OR51A2: variants seen among roughly 807,000 people sequenced by gnomAD.
OR51A2 encodes the protein olfactory receptor 51A2.
For missense variants in OR51A2, 111 were observed against 365.9 expected (o/e 0.30, Z 5.68); for synonymous variants, 55 against 139.1 (o/e 0.40, Z 4.25).
chr11:4,955,641 C>A lies in OR51A2; in HGVS notation c.73G>T (p.Ala25Ser). The change falls in exon 1 of 1, where the codon GCA (alanine) becomes TCA (serine). Residue 25 changes from alanine to serine, a missense_variant. By Grantham distance (99) the Ala-to-Ser change is moderately conservative. Coordinates refer to ENST00000380371, the MANE Select transcript of OR51A2 (RefSeq NM_001004748.1). ...FLVGMPGLEY[A>S]HIWISIPICS... ...ATGGGGATAGAGATCCAGATGTGTG[C>A]ATATTCTAGCCCTGGCATCCCAACC... 6.6e-7 allele frequency: 1 copy of A among 1,517,876 alleles called. No individual in the cohort carries two copies. The highest frequency in any genetic ancestry group is 1.8e-5 in the Admixed American group (1 of 54,528). 94.0% of individuals were successfully genotyped at this position (1,517,876 alleles called of 1,614,324 possible).
At position 4,954,772 on chromosome 11, in the gene OR51A2, T is replaced by C. The variant is rs763035199; in HGVS notation, c.942A>G (p.Ter314=). Residue 314 remains the stop codon, a stop_retained_variant, in exon 1 of 1, where the codon TAA becomes TAG. Coordinates refer to ENST00000380371, the MANE Select transcript of OR51A2 (RefSeq NM_001004748.1). ...CCAGGTTTTCTGTCACATATGACTG[T>C]TAAATCTTCCATTGACACAATTTTG... ...VVAKLCQWKI[*] 4 of 1,062,222 alleles carry C rather than the reference T, an allele frequency of 3.8e-6. 1 individual carries two copies. In the South Asian group the frequency reaches 5.2e-5, roughly 14 times the overall value. The allele number at this position is 1,062,222 out of a possible 1,614,324, so 65.8% of individuals were successfully genotyped here. A position where few individuals can be genotyped will look rare whatever the true frequency, so the allele number is the denominator to read the frequency against.
At position 4,954,918 on chromosome 11, in the gene OR51A2, C is replaced by G; in HGVS notation, c.796G>C (p.Ala266Pro). The G allele has an allele frequency of 8.6e-7, 1 of 1,165,214 alleles. No individual in the cohort carries two copies. Among genetic ancestry groups the G allele is most frequent in the Non-Finnish European group, 1.2e-6 (1 of 818,182 alleles). The allele number at this position is 1,165,214 out of a possible 1,614,324, so 72.2% of individuals were successfully genotyped here. A position where few individuals can be genotyped will look rare whatever the true frequency, so the allele number is the denominator to read the frequency against. Residue 266 changes from alanine (A) to proline (P), a missense_variant, in exon 1 of 1, where the codon GCC (alanine) becomes CCC (proline). Ala to Pro is a conservative substitution (Grantham distance 27). Transcript: ENST00000380371. ...TTAATGAGGGGAGAGACATGCCCGGCAAAGCGGTGGACAACGGCCAGGTTG... is the reference window on the plus strand; with the variant it reads ...TTAATGAGGGGAGAGACATGCCCGGGAAAGCGGTGGACAACGGCCAGGTTG... ...IINLAVVHRFAGHVSPLINVL... is the reference protein window; with the variant it reads ...IINLAVVHRFPGHVSPLINVL...
chr11:4,955,298 G>T lies in OR51A2; in HGVS notation c.416C>A (p.Thr139Lys), dbSNP rs1377604994. 1.7e-6 allele frequency: 2 copies of T among 1,207,106 alleles called. No homozygotes were observed. Among genetic ancestry groups the T allele is most frequent in the Non-Finnish European group, 2.3e-6 (2 of 855,676 alleles). 74.8% of individuals were successfully genotyped at this position (1,207,106 alleles called of 1,614,324 possible). A position where few individuals can be genotyped will look rare whatever the true frequency, so the allele number is the denominator to read the frequency against. ...CCCTATTTGGGCAACTCTGACAGTT[G>T]TCAGGATTGAGGTGTATCTCAGAGG... Reference protein sequence around the residue: ...HNPLRYTSILTTVRVAQIGIV... With the variant: ...HNPLRYTSILKTVRVAQIGIV... Residue 139 changes from threonine to lysine, a missense_variant, in exon 1 of 1, where the codon ACA (threonine) becomes AAA (lysine). Physicochemically the swap from Thr to Lys is moderately conservative, Grantham distance 78. Coordinates refer to ENST00000380371, the MANE Select transcript of OR51A2 (RefSeq NM_001004748.1).
chr11:4,955,698 T>C lies in OR51A2; in HGVS notation c.16A>G (p.Thr6Ala). The C allele has an allele frequency of 6.5e-7, 1 of 1,550,106 alleles. No individual in the cohort carries two copies. Residue 6 changes from threonine to alanine, a missense_variant, in exon 1 of 1, where the codon ACA becomes GCA. By Grantham distance (58) the Thr-to-Ala change is moderately conservative. Coordinates refer to ENST00000380371, the MANE Select transcript of OR51A2 (RefSeq NM_001004748.1). ...AAGGTGGTGATTTCAACATATGATG[T>C]GTTGATAATGGACATGATTCATTCA... Reference protein sequence around the residue: MSIINTSYVEITTFFL... With the variant: MSIINASYVEITTFFL...
In OR51A2 at chr11:4,955,229, G is replaced by A; in HGVS notation, c.485C>T (p.Pro162Leu). Residue 162 changes from proline (P) to leucine (L), a missense_variant, in exon 1 of 1, where the codon CCT (proline) becomes CTT (leucine). Coordinates refer to ENST00000380371, the MANE Select transcript of OR51A2 (RefSeq NM_001004748.1). ...FKSMLLVLPF[P>L]FTLRSLRYCK... The stretch of plus-strand genomic sequence containing the variant: ...ATATCTCAAGCTTCTTAAAGTGAAA[G>A]GGAAGGGAAGAACCAGGAGCATGCT... 3.1e-6 allele frequency: 4 copies of A among 1,271,764 alleles called. 1 individual carries two copies. The highest frequency in any genetic ancestry group is 3.3e-6 in the Non-Finnish European group (3 of 911,354). 78.8% of individuals were successfully genotyped at this position (1,271,764 alleles called of 1,614,324 possible). A position where few individuals can be genotyped will look rare whatever the true frequency, so the allele number is the denominator to read the frequency against.
Position 4,955,411 on chromosome 11 carries a change from G to T in OR51A2, c.303C>A (p.Ala101=). ...APETSSSACF[A]QEFFIHGFSV... is the part of the protein sequence containing the mutation. ...AGAATCCATGAATGAAGAATTCCTG[G>T]GCAAAGCAGGCACTAGAAGAAGTTT... The change falls in exon 1 of 1, where the codon GCC becomes GCA. Residue 101 remains alanine (A), a synonymous_variant. Coordinates refer to ENST00000380371, the MANE Select transcript of OR51A2 (RefSeq NM_001004748.1). 2 of 1,178,004 alleles carry T rather than the reference G, an allele frequency of 1.7e-6. 1 individual carries two copies. The highest frequency in any genetic ancestry group is 2.3e-6 in the Non-Finnish European group (2 of 853,202). The allele number at this position is 1,178,004 out of a possible 1,614,324, so 73.0% of individuals were successfully genotyped here.
Position 4,955,277 on chromosome 11 carries a change from A to G in OR51A2, c.437T>C (p.Ile146Thr). 8.1e-7 allele frequency: 1 copy of G among 1,241,208 alleles called. No individual in the cohort carries two copies. Among genetic ancestry groups the G allele is most frequent in the Non-Finnish European group, 1.1e-6 (1 of 884,384 alleles). 76.9% of individuals were successfully genotyped at this position (1,241,208 alleles called of 1,614,324 possible). A position where few individuals can be genotyped will look rare whatever the true frequency, so the allele number is the denominator to read the frequency against. ...SILTTVRVAQ[I>T]GIVFSFKSML... ...GCTCTTAAAGGAGAATACTATCCCTATTTGGGCAACTCTGACAGTTGTCAG... is the reference window on the plus strand; with the variant it reads ...GCTCTTAAAGGAGAATACTATCCCTGTTTGGGCAACTCTGACAGTTGTCAG... The change falls in exon 1 of 1, where the codon ATA becomes ACA. Residue 146 changes from isoleucine to threonine, a missense_variant. Ile to Thr is a moderately conservative substitution (Grantham distance 89). Coordinates refer to ENST00000380371, the MANE Select transcript of OR51A2 (RefSeq NM_001004748.1).
rs1368619162 is a variant in OR51A2, at chr11:4,955,544, A to C, written c.170T>G (p.Leu57Trp). Residue 57 changes from leucine to tryptophan, a missense_variant, in exon 1 of 1, where the codon TTG becomes TGG. Leu to Trp is a moderately conservative substitution (Grantham distance 61). Coordinates refer to ENST00000380371, the MANE Select transcript of OR51A2 (RefSeq NM_001004748.1). ...ILFIIKTEPS[L>W]HGPMYYFLSM... Reference sequence around the variant, plus strand: ...AAGAAAATAGTACATGGGCCCATGCAAGGAGGGCTCTGTCTTGATGATAAA... The same window carrying C: ...AAGAAAATAGTACATGGGCCCATGCCAGGAGGGCTCTGTCTTGATGATAAA... 2.2e-6 allele frequency: 3 copies of C among 1,348,114 alleles called. 1 individual carries two copies. The highest frequency in any genetic ancestry group is 3.1e-6 in the Non-Finnish European group (3 of 953,256). The allele number at this position is 1,348,114 out of a possible 1,614,324, so 83.5% of individuals were successfully genotyped here.
chr11:4,955,501 T>C lies in OR51A2; in HGVS notation c.213A>G (p.Ser71=). ...GAGATGATAAAGACAAACCCAAGTC[T>C]GACATAGCCAACATGGAAAGAAAAT... ...MYYFLSMLAM[S]DLGLSLSSLP... The change falls in exon 1 of 1, where the codon TCA becomes TCG. Residue 71 remains serine (S), a synonymous_variant. Transcript: ENST00000380371. The C allele has an allele frequency of 5.3e-6, 7 of 1,309,138 alleles. 1 individual carries two copies. Among genetic ancestry groups the C allele is most frequent in the Non-Finnish European group, 7.5e-6 (7 of 929,828 alleles). The allele number at this position is 1,309,138 out of a possible 1,614,324, so 81.1% of individuals were successfully genotyped here.
rs767489175 is a variant in OR51A2 at position 4,954,905 on chromosome 11, G to A, written c.809C>T (p.Ser270Phe). The A allele has an allele frequency of 5.3e-6, 6 of 1,138,088 alleles. 1 individual carries two copies. The African/African-American group carries it at 9.8e-5, about 19-fold the overall frequency. 70.5% of individuals were successfully genotyped at this position (1,138,088 alleles called of 1,614,324 possible). The change falls in exon 1 of 1, where the codon TCT (serine) becomes TTT (phenylalanine). Residue 270 changes from serine (S) to phenylalanine (F), a missense_variant. Coordinates refer to ENST00000380371, the MANE Select transcript of OR51A2 (RefSeq NM_001004748.1). ...TGCCATGAGAACATTAATGAGGGGA[G>A]AGACATGCCCGGCAAAGCGGTGGAC... ...AVVHRFAGHV[S>F]PLINVLMANV...
Position 4,955,182 on chromosome 11 carries a change from G to C in OR51A2, c.532C>G (p.His178Asp). The C allele has an allele frequency of 7.7e-7, 1 of 1,306,242 alleles. No homozygotes were observed. Among genetic ancestry groups the C allele is most frequent in the East Asian group, 2.7e-5 (1 of 36,448 alleles). The allele number at this position is 1,306,242 out of a possible 1,614,324, so 80.9% of individuals were successfully genotyped here. A position where few individuals can be genotyped will look rare whatever the true frequency, so the allele number is the denominator to read the frequency against. The change falls in exon 1 of 1, where the codon CAT becomes GAT. Residue 178 changes from histidine (H) to aspartate (D), a missense_variant. Coordinates refer to ENST00000380371, the MANE Select transcript of OR51A2 (RefSeq NM_001004748.1). ...ACATCCTGGTGGAGACAGTAGGAATGGGATAATTGGTTTTTCTTGCAATAT... is the reference window on the plus strand; with the variant it reads ...ACATCCTGGTGGAGACAGTAGGAATCGGATAATTGGTTTTTCTTGCAATAT... Reference protein sequence around the residue: ...LRYCKKNQLSHSYCLHQDVMK... With the variant: ...LRYCKKNQLSDSYCLHQDVMK...
Position 4,955,014 on chromosome 11 carries a change from C to T in OR51A2, c.700G>A (p.Glu234Lys), listed in dbSNP as rs1465407361. 3 of 1,397,474 alleles carry T rather than the reference C, an allele frequency of 2.1e-6. No homozygotes were observed. The highest frequency in any genetic ancestry group is 2.1e-5 in the Admixed American group (1 of 46,814). The allele number at this position is 1,397,474 out of a possible 1,614,324, so 86.6% of individuals were successfully genotyped here. Residue 234 changes from glutamate to lysine, a missense_variant, in exon 1 of 1, where the codon GAG (glutamate) becomes AAG (lysine). Transcript: ENST00000380371. Reference protein sequence around the residue: ...KTVPGIASKKEELKALNTCVS... With the variant: ...KTVPGIASKKKELKALNTCVS... ...CAAGTATTGAGAGCCTTAAGCTCCTCCTTTTTGGATGCAATTCCCGGTACA... is the reference window on the plus strand; with the variant it reads ...CAAGTATTGAGAGCCTTAAGCTCCTTCTTTTTGGATGCAATTCCCGGTACA...
chr11:4,955,048 G>A lies in OR51A2; in HGVS notation c.666C>T (p.Ile222=). Residue 222 remains isoleucine (I), a synonymous_variant, in exon 1 of 1, where the codon ATC becomes ATT. Coordinates refer to ENST00000380371, the MANE Select transcript of OR51A2 (RefSeq NM_001004748.1). ...ATGCAATTCCCGGTACAGTCTTGAG[G>A]ATCAGGGTGTAAGACACAGCAATGA... ...FILIAVSYTL[I]LKTVPGIASK... is the part of the protein sequence containing the mutation. The A allele has an allele frequency of 6.9e-7, 1 of 1,453,758 alleles. No homozygotes were observed. Among genetic ancestry groups the A allele is most frequent in the Non-Finnish European group, 9.4e-7 (1 of 1,065,696 alleles). 90.1% of individuals were successfully genotyped at this position (1,453,758 alleles called of 1,614,324 possible).
rs749818574 is a variant in OR51A2, at chr11:4,955,557, T to C, written c.157A>G (p.Thr53Ala). The C allele has an allele frequency of 5.1e-6, 7 of 1,366,014 alleles. No homozygotes were observed. The Admixed American group carries it at 5.6e-5, about 11-fold the overall frequency. The allele number at this position is 1,366,014 out of a possible 1,614,324, so 84.6% of individuals were successfully genotyped here. The change falls in exon 1 of 1, where the codon ACA (threonine) becomes GCA (alanine). Residue 53 changes from threonine to alanine, a missense_variant. Thr to Ala is a moderately conservative substitution (Grantham distance 58). Transcript: ENST00000380371. ...GNGTILFIIKTEPSLHGPMYY... is the reference protein window; with the variant it reads ...GNGTILFIIKAEPSLHGPMYY... ...ATGGGCCCATGCAAGGAGGGCTCTGTCTTGATGATAAAAAGAATGGTGCCA... is the reference window on the plus strand; with the variant it reads ...ATGGGCCCATGCAAGGAGGGCTCTGCCTTGATGATAAAAAGAATGGTGCCA...
At position 4,955,453 on chromosome 11, in the gene OR51A2, G is replaced by A; in HGVS notation, c.261C>T (p.Phe87=). 8.4e-7 allele frequency: 1 copy of A among 1,194,054 alleles called. No homozygotes were observed. Among genetic ancestry groups the A allele is most frequent in the South Asian group, 1.3e-5 (1 of 78,780 alleles). 74.0% of individuals were successfully genotyped at this position (1,194,054 alleles called of 1,614,324 possible). A position where few individuals can be genotyped will look rare whatever the true frequency, so the allele number is the denominator to read the frequency against. The part of the protein sequence containing the change: ...LSSLPTVLSI[F]LFNAPETSSS... ...AAGAAGTTTCAGGGGCATTGAACAGGAAGATGCTTAACACAGTGGGCAGAG... is the reference window on the plus strand; with the variant it reads ...AAGAAGTTTCAGGGGCATTGAACAGAAAGATGCTTAACACAGTGGGCAGAG... Residue 87 remains phenylalanine (F), a synonymous_variant, in exon 1 of 1, where the codon TTC becomes TTT. Transcript: ENST00000380371.
chr11:4,955,662 C>T lies in OR51A2; in HGVS notation c.52G>A (p.Gly18Arg). Residue 18 changes from glycine to arginine, a missense_variant, in exon 1 of 1, where the codon GGG (glycine) becomes AGG (arginine). Gly to Arg is a moderately radical substitution (Grantham distance 125). Coordinates refer to ENST00000380371, the MANE Select transcript of OR51A2 (RefSeq NM_001004748.1). ...TGTGCATATTCTAGCCCTGGCATCC[C>T]AACCAAGAAGAAGGTGGTGATTTCA... ...YVEITTFFLVGMPGLEYAHIW... is the reference protein window; with the variant it reads ...YVEITTFFLVRMPGLEYAHIW... The T allele has an allele frequency of 2.0e-6, 3 of 1,536,092 alleles. No individual in the cohort carries two copies. The highest frequency in any genetic ancestry group is 2.7e-6 in the Non-Finnish European group (3 of 1,125,276).
rs2570572 is a variant in OR51A2, at chr11:4,954,856, C to T, written c.858G>A (p.Pro286=). The T allele has an allele frequency of 0.7, 716,149 of 1,023,012 alleles. 322,588 individuals are homozygous for T. Among genetic ancestry groups the T allele is most frequent in the East Asian group, 0.82 (27,211 of 33,078 alleles). The allele number at this position is 1,023,012 out of a possible 1,614,324, so 63.4% of individuals were successfully genotyped here. Reference sequence around the variant, plus strand: ...CACAATAAACAATTGGTTTCATCAGCGGAGGTACAAGTAGGAGAACATTTG... The same window carrying T: ...CACAATAAACAATTGGTTTCATCAGTGGAGGTACAAGTAGGAGAACATTTG... The part of the protein sequence containing the change: ...LMANVLLLVP[P]LMKPIVYCVK... Residue 286 remains proline (P), a synonymous_variant, in exon 1 of 1, where the codon CCG becomes CCA. Coordinates refer to ENST00000380371, the MANE Select transcript of OR51A2 (RefSeq NM_001004748.1).
rs375151776 is a variant in OR51A2, at chr11:4,954,997, G to A, written c.717C>T (p.Leu239=). The change falls in exon 1 of 1, where the codon CTC becomes CTT. Residue 239 remains leucine (L), a synonymous_variant. Transcript: ENST00000380371. The part of the protein sequence containing the change: ...IASKKEELKA[L]NTCVSHICAV... Reference sequence around the variant, plus strand: ...CACAGATGTGTGAAACACAAGTATTGAGAGCCTTAAGCTCCTCCTTTTTGG... The same window carrying A: ...CACAGATGTGTGAAACACAAGTATTAAGAGCCTTAAGCTCCTCCTTTTTGG... 5.1e-6 allele frequency: 7 copies of A among 1,377,982 alleles called. 2 individuals are homozygous for A. Among genetic ancestry groups the A allele is most frequent in the Non-Finnish European group, 7.0e-6 (7 of 998,976 alleles). 85.4% of individuals were successfully genotyped at this position (1,377,982 alleles called of 1,614,324 possible). A position where few individuals can be genotyped will look rare whatever the true frequency, so the allele number is the denominator to read the frequency against.
rs755993367 is a variant in OR51A2, at chr11:4,955,293, C to T, written c.421G>A (p.Val141Ile). The T allele has an allele frequency of 8.2e-7, 1 of 1,215,048 alleles. No individual in the cohort carries two copies. The highest frequency in any genetic ancestry group is 1.2e-5 in the South Asian group (1 of 81,258). The allele number at this position is 1,215,048 out of a possible 1,614,324, so 75.3% of individuals were successfully genotyped here. Residue 141 changes from valine to isoleucine, a missense_variant, in exon 1 of 1, where the codon GTC (valine) becomes ATC (isoleucine). Coordinates refer to ENST00000380371, the MANE Select transcript of OR51A2 (RefSeq NM_001004748.1). ...PLRYTSILTT[V>I]RVAQIGIVFS... ...ACTATCCCTATTTGGGCAACTCTGA[C>T]AGTTGTCAGGATTGAGGTGTATCTC...
Sources: allele counts gnomAD v4.1 joint callset, GRCh38; gene constraint gnomAD v4.1.1; transcripts MANE v1.5; gene names NCBI Gene and HGNC (gene_info 2026-07-23, HGNC 2026-07-21).